CDH12: variants seen among roughly 807,000 people sequenced by gnomAD.
CDH12 encodes cadherin-12.
Under a neutral mutation model 74.1 loss-of-function variants are expected in CDH12, and 41 were observed. The observed-to-expected ratio is 0.55, with a 90% CI of 0.43 to 0.72. The LOEUF (loss-of-function observed/expected upper bound fraction) is 0.72, where lower values mean the gene tolerates loss of function less well. Among genes scored for constraint, CDH12 ranks in the 30% least tolerant of loss-of-function variants. The pLI is 0.00. For missense variants in CDH12, 945 were observed against 977.2 expected (o/e 0.97, Z 0.44); for synonymous variants, 399 against 355.0 (o/e 1.12, Z -1.39).
At chr5:22,721,933 T>C (rs1347158464) in intron 1 of CDH12, among the ~76,000 whole-genome samples, 4 of 152,162 alleles carry the variant, frequency 2.6e-5, no homozygotes, top group Non-Finnish European at 5.9e-5. Flanking sequence ...TCCCCAGCCA[T>C]GCAGAACTGT....
intron 2 of CDH12, among the ~76,000 whole-genome samples, chr5:22,419,740 T>C (rs1027706415): frequency 4.6e-5 from 7 of 152,228 alleles, no homozygotes; most frequent in Admixed American, 1.3e-4. Flanking sequence ...TTTTCCACAA[T>C]GGTTGCACTA....
At chr5:21,945,842 A>G (rs1308472820) in intron 6 of CDH12, among the ~76,000 whole-genome samples, 1 of 152,126 alleles carries the variant, frequency 6.6e-6, no homozygotes, top group Non-Finnish European at 1.5e-5. Context: ...GAAGACGAGG[A>G]GATAGAATGT....
intron 3 of CDH12, among the ~76,000 whole-genome samples, chr5:22,340,712 C>G (rs1259393902): frequency 6.6e-6 from 1 of 152,010 alleles, no homozygotes; most frequent in African/African-American, 2.4e-5. Context: ...GACAATAATT[C>G]TGTTTTAAAT....
chr5:21,817,233 T>C, intron 8 of CDH12, 101 bp from the exon 9 acceptor site: 3 of 758,438 alleles, frequency 4.0e-6, no homozygotes, highest in Non-Finnish European at 6.3e-6. Context: ...TAAATCACAT[T>C]TAGAACATTA....
chr5:22,557,768 C>T (rs1026749640), intron 1 of CDH12, among the ~76,000 whole-genome samples: 1 of 151,926 alleles, frequency 6.6e-6, no homozygotes, highest in Admixed American at 6.6e-5. Context: ...AACTTAGAAG[C>T]TTGTATTATG....
At chr5:21,966,158 G>GTT (rs71609724) in intron 6 of CDH12, among the ~76,000 whole-genome samples, 2,055 of 123,244 alleles carry the variant, frequency 0.017, 64 homozygotes, top group African/African-American at 0.057. Context: ...CTATTTTTAC[G>GTT]TTTTTTTTTT....
rs1012288153 is a variant in CDH12 at position 22,412,358 on chromosome 5, T to C, written c.-427-7007A>G. Among the ~76,000 whole-genome samples the C allele has an allele frequency of 2.8e-4, 42 of 151,974 alleles. 1 individual carries two copies. Among genetic ancestry groups the C allele is most frequent in the Non-Finnish European group, 2.9e-4 (20 of 67,850 alleles). On this transcript the variant is annotated intron_variant, in intron 2 of 14. Transcript: ENST00000382254. The stretch of plus-strand genomic sequence containing the variant: ...AGTTCTATTGCAATTCAGAAATGTT[T>C]CATGTCTTTCGGTTTATTTTATAGG...
intron 3 of CDH12, among the ~76,000 whole-genome samples, chr5:22,223,673 A>G (rs1752092207): frequency 6.6e-6 from 1 of 152,034 alleles, no homozygotes; most frequent in Non-Finnish European, 1.5e-5. Flanking sequence ...CTAAGCCTCC[A>G]TGCAGTTGCT....
intron 4 of CDH12, among the ~76,000 whole-genome samples, chr5:22,128,362 T>C (rs1240945906): frequency 6.6e-6 from 1 of 152,190 alleles, no homozygotes; most frequent in African/African-American, 2.4e-5. Flanking sequence ...AGAGAACTTT[T>C]ATCATTGTCA....
intron 4 of CDH12, among the ~76,000 whole-genome samples, chr5:22,131,983 T>C (rs1746201642): frequency 6.6e-6 from 1 of 152,112 alleles, no homozygotes; most frequent in Non-Finnish European, 1.5e-5. Flanking sequence ...AGTTCTTCCT[T>C]ATAAGAATTT....
chr5:22,477,193 C>T (rs1398939005), intron 2 of CDH12, among the ~76,000 whole-genome samples: 1 of 152,068 alleles, frequency 6.6e-6, no homozygotes, highest in Non-Finnish European at 1.5e-5. Flanking sequence ...AAGATATTAA[C>T]CCTAGTTAAT....
chr5:22,816,165 G>T (rs949747815), intron 1 of CDH12, among the ~76,000 whole-genome samples: 9 of 152,122 alleles, frequency 5.9e-5, no homozygotes, highest in African/African-American at 1.9e-4. Flanking sequence ...TTACTTGAAA[G>T]CTATTTCCTT....
intron 4 of CDH12, among the ~76,000 whole-genome samples, chr5:22,127,042 A>G (rs957714557): frequency 2.6e-5 from 4 of 152,180 alleles, no homozygotes. Flanking sequence ...AAAATTCTCA[A>G]AATATGTGTG....
Position 22,814,066 on chromosome 5 carries a change from A to G in CDH12, c.-523+38992T>C, listed in dbSNP as rs17359555. Reference sequence around the variant, plus strand: ...GTTTGGCAAAAGTCTATTTTTTCACATTAAACTGTTTGCAGAGATAAAGAG... The same window carrying G: ...GTTTGGCAAAAGTCTATTTTTTCACGTTAAACTGTTTGCAGAGATAAAGAG... On this transcript the variant is annotated intron_variant, in intron 1 of 14. Coordinates refer to ENST00000382254, the MANE Select transcript of CDH12 (RefSeq NM_004061.5). 8.9e-3 allele frequency among the ~76,000 whole-genome samples: 1,362 copies of G among 152,310 alleles called. 81 individuals carry two copies. Among genetic ancestry groups the G allele is most frequent in the Admixed American group, 0.08 (1,220 of 15,288 alleles).
chr5:22,284,108 C>T (rs916270951), intron 3 of CDH12, among the ~76,000 whole-genome samples: 30 of 152,142 alleles, frequency 2.0e-4, no homozygotes, highest in Non-Finnish European at 4.1e-4. Flanking sequence ...ATAAAAACCT[C>T]GATGTGACAG....
intron 8 of CDH12, among the ~76,000 whole-genome samples, chr5:21,833,204 ATTATAATATATAT>A (rs1749244621): frequency 5.1e-5 from 1 of 19,458 alleles, no homozygotes; most frequent in East Asian, 2.6e-3. Flanking sequence ...TAATATATAT[ATTATAATATATAT>A]TATATGTTAT....
chr5:22,392,916 G>T (rs1255917113), intron 3 of CDH12, among the ~76,000 whole-genome samples: 1 of 152,034 alleles, frequency 6.6e-6, no homozygotes, highest in African/African-American at 2.4e-5. Context: ...TAGTCATTAG[G>T]AAGAGATTTT....
intron 5 of CDH12, among the ~76,000 whole-genome samples, chr5:22,042,998 C>A (rs1308663959): frequency 6.6e-6 from 1 of 151,388 alleles, no homozygotes; most frequent in Non-Finnish European, 1.5e-5. Context: ...TGAAGTTTTT[C>A]ACTGGTGAAA....
intron 2 of CDH12, among the ~76,000 whole-genome samples, chr5:22,417,177 TAA>T (rs1340527827): frequency 1.3e-5 from 2 of 152,182 alleles, no homozygotes; most frequent in African/African-American, 4.8e-5. Flanking sequence ...TAAGAAAAAA[TAA>T]ACATAATAAT....
Sources: gnomAD v4.1 joint callset for allele counts (sites outside exome capture counted in the v4.1 genomes callset) on GRCh38, gnomAD v4.1.1 for gene constraint, MANE v1.5 for transcripts, NCBI Gene and HGNC (gene_info 2026-07-23, HGNC 2026-07-21) for gene names.